MICAL1: variants seen among roughly 807,000 people sequenced by gnomAD.
The protein encoded by MICAL1 is [F-actin]-monooxygenase MICAL1.
In MICAL1, 95 loss-of-function variants were observed where a neutral mutation model predicts 131.8. That is an observed-to-expected ratio of 0.72 (90% CI 0.61 to 0.86). The LOEUF (loss-of-function observed/expected upper bound fraction) is 0.86, where lower values mean the gene tolerates loss of function less well. Among genes scored for constraint, MICAL1 ranks in the 40% least tolerant of loss-of-function variants. The probability of loss-of-function intolerance (pLI) is 0.00; values close to 1 mark genes in which losing one functional copy is unlikely to be tolerated. For synonymous variants in MICAL1, 546 were observed against 554.2 expected, an observed-to-expected ratio of 0.99 and a Z score of 0.21; for missense variants, 1,292 against 1,380.6, an observed-to-expected ratio of 0.94 and a Z score of 1.02.
chr6:109,445,658 GAT>G lies in MICAL1; in HGVS notation c.2673+111_2673+112del, dbSNP rs1402028609. ...TCTGGTAGAAAAGGTAGAGGCCAGA[GAT>G]ATGACAGGCCAAGTGAGAAGACATT... On this transcript the variant is annotated intron_variant, in intron 20 of 24. Coordinates refer to ENST00000358807, the MANE Select transcript of MICAL1 (RefSeq NM_022765.4). 8 of 1,494,536 alleles carry G rather than the reference GAT, an allele frequency of 5.4e-6. No individual in the cohort carries two copies. In the African/African-American group the frequency reaches 1.1e-4, roughly 21 times the overall value. 92.6% of individuals were successfully genotyped at this position (1,494,536 alleles called of 1,614,324 possible).
At chr6:109,450,881 C>G (rs1394030164) in intron 7 of MICAL1, among the ~76,000 whole-genome samples, 1 of 152,188 alleles carries the variant, frequency 6.6e-6, no homozygotes, top group South Asian at 2.1e-4. Flanking sequence ...TATCAGGGTA[C>G]TCATGAGAAT....
chr6:109,461,419 G>A (rs1051058820), intron 1 of MICAL1, among the ~76,000 whole-genome samples: 1 of 152,058 alleles, frequency 6.6e-6, no homozygotes, highest in African/African-American at 2.4e-5. Flanking sequence ...TCTGTAGACC[G>A]TAACTTTCAC....
chr6:109,447,505 C>CAG, intron 15 of MICAL1, 65 bp from the exon 16 acceptor site: 1 of 1,549,000 alleles, frequency 6.5e-7, no homozygotes, highest in Non-Finnish European at 8.8e-7. Flanking sequence ...GGGATGCGTA[C>CAG]AGATGAACAC....
chr6:109,456,401 CAG>C (rs1161147883), upstream of MICAL1, among the ~76,000 whole-genome samples: 1 of 152,234 alleles, frequency 6.6e-6, no homozygotes, highest in East Asian at 1.9e-4. Flanking sequence ...CCTCCTGTGA[CAG>C]AGGTCGACCC....
Position 109,454,141 on chromosome 6 carries a change from T to A in MICAL1, c.56A>T (p.Gln19Leu), listed in dbSNP as rs576067341. 3.4e-4 allele frequency: 542 copies of A among 1,612,832 alleles called. 7 individuals are homozygous for A. In the South Asian group the frequency reaches 5.8e-3, roughly 17 times the overall value. Reference protein sequence around the residue: ...PAHAHFESFLQAQLCQDVLSS... With the variant: ...PAHAHFESFLLAQLCQDVLSS... ...CAGCACGTCCTGGCACAGCTGGGCC[T>A]GCAGGAAGCTCTCAAAGTGGGCATG... The change falls in exon 2 of 25, where the codon CAG becomes CTG. Residue 19 changes from glutamine to leucine, a missense_variant. By Grantham distance (113) the Gln-to-Leu change is moderately radical (BLOSUM62 -2). Coordinates refer to ENST00000358807, the MANE Select transcript of MICAL1 (RefSeq NM_022765.4).
intron 1 of MICAL1, among the ~76,000 whole-genome samples, chr6:109,460,827 AAAAC>A (rs1180857753): frequency 3.9e-5 from 6 of 152,210 alleles, no homozygotes; most frequent in African/African-American, 1.4e-4. Flanking sequence ...TAACAAAAAT[AAAAC>A]AAACCTACCC....
upstream of MICAL1, among the ~76,000 whole-genome samples, chr6:109,458,164 A>G (rs889073970): frequency 8.5e-5 from 13 of 152,236 alleles, no homozygotes; most frequent in African/African-American, 2.7e-4. Context: ...TATTAACCAC[A>G]AGAATTTCTC....
chr6:109,450,154 C>T lies in MICAL1; in HGVS notation c.1192-69G>A, dbSNP rs1775477404. Reference sequence around the variant, plus strand: ...CAGGTGCATCCCAAGCCCAGATATCCACCCAGGTCACAGCAGAAGGGGCCA... The same window carrying T: ...CAGGTGCATCCCAAGCCCAGATATCTACCCAGGTCACAGCAGAAGGGGCCA... On this transcript the variant is annotated intron_variant, in intron 8 of 24. Coordinates refer to ENST00000358807, the MANE Select transcript of MICAL1 (RefSeq NM_022765.4). 5.1e-6 allele frequency: 8 copies of T among 1,573,724 alleles called. No homozygotes were observed. The Admixed American group carries it at 5.2e-5, about 10-fold the overall frequency.
chr6:109,453,285 G>A lies in MICAL1; in HGVS notation c.549C>T (p.Gly183=). Residue 183 remains glycine (G), a synonymous_variant, in exon 4 of 25, where the codon GGC becomes GGT. Transcript: ENST00000358807. The stretch of plus-strand genomic sequence containing the variant: ...TACCCTTCCTAGGAGGGGGCTGGAG[G>A]CCAGTGAAAGTGACACCCCAGTGAA... The part of the protein sequence containing the change: ...VEIHWGVTFT[G]LQPPPRKGSG... The A allele has an allele frequency of 6.2e-7, 1 of 1,613,940 alleles. No homozygotes were observed.
At chr6:109,452,204 G>C in intron 6 of MICAL1, 42 bp downstream of exon 6, 1 of 1,582,312 alleles carries the variant, frequency 6.3e-7, no homozygotes, top group South Asian at 1.1e-5. Flanking sequence ...CCAGGCCACA[G>C]TCAGGCAGGG....
In MICAL1 at chr6:109,453,787, A is replaced by C. The variant is rs201447051; in HGVS notation, c.317T>G (p.Leu106Arg). The change falls in exon 3 of 25, where the codon CTG becomes CGG. Residue 106 changes from leucine to arginine, a missense_variant. Physicochemically the swap from Leu to Arg is moderately radical, Grantham distance 102. Coordinates refer to ENST00000358807, the MANE Select transcript of MICAL1 (RefSeq NM_022765.4). ...TTCCACCAGCACCACTCGGGCCCCC[A>C]GCAGCGCCAGCTCCACAGCGACCCG... ...GLRVAVELAL[L>R]GARVVLVEKR... 6.2e-7 allele frequency: 1 copy of C among 1,613,652 alleles called. No individual in the cohort carries two copies. The highest frequency in any genetic ancestry group is 1.3e-5 in the African/African-American group (1 of 74,948).
At chr6:109,447,502 G>C (rs1472997378) in intron 15 of MICAL1, 62 bp from the exon 16 acceptor site, 2 of 1,554,048 alleles carry the variant, frequency 1.3e-6, no homozygotes, top group Admixed American at 1.7e-5. Context: ...GAGGGGATGC[G>C]TACAGATGAA....
chr6:109,446,492 A>ACTT, intron 18 of MICAL1, 80 bp from the exon 19 acceptor site: 1 of 1,538,420 alleles, frequency 6.5e-7, no homozygotes, highest in Non-Finnish European at 8.9e-7. Context: ...GCATTCATTC[A>ACTT]CTTAAAACCA....
chr6:109,445,006 G>A lies in MICAL1; in HGVS notation c.2882-11C>T. 9 of 1,612,964 alleles carry A rather than the reference G, an allele frequency of 5.6e-6. No homozygotes were observed. Among genetic ancestry groups the A allele is most frequent in the Non-Finnish European group, 7.6e-6 (9 of 1,179,866 alleles). ...GCTGTTCTGGGGAACCTGAGAAGAA[G>A]GAAGATGGGTAGGGTGATCAGGAGG... On this transcript the variant is annotated splice_polypyrimidine_tract_variant and intron_variant, in intron 22 of 24. Transcript: ENST00000358807.
At chr6:109,458,473 T>C (rs1196121773), upstream of MICAL1, among the ~76,000 whole-genome samples, 1 of 152,044 alleles carries the variant, frequency 6.6e-6, no homozygotes, top group Non-Finnish European at 1.5e-5. Flanking sequence ...CACATGCCTG[T>C]AATCCCAGCT....
At position 109,446,774 on chromosome 6, in the gene MICAL1, TG is replaced by T; in HGVS notation, c.2228-3del. ...GGTGCTGGAGGCAGTAGAAATGTCC[TG>T]GAAAGGGTAGAGAGGGGAGGAGGCA... is the stretch of plus-strand genomic sequence containing the variant. On this transcript the variant is annotated splice_region_variant and splice_polypyrimidine_tract_variant and intron_variant, in intron 17 of 24. Transcript: ENST00000358807. 1 of 1,613,094 alleles carries T rather than the reference TG, an allele frequency of 6.2e-7. No individual in the cohort carries two copies. Among genetic ancestry groups the T allele is most frequent in the Non-Finnish European group, 8.5e-7 (1 of 1,179,714 alleles).
intron 1 of MICAL1, chr6:109,463,837 CTTTT>C (rs1159150633): frequency 2.0e-5 from 3 of 152,132 alleles, no homozygotes; most frequent in African/African-American, 7.2e-5. Flanking sequence ...TCACCTGCTT[CTTTT>C]TATGTTTTTA....
Position 109,450,091 on chromosome 6 carries a change from G to A in MICAL1, c.1192-6C>T. Reference sequence around the variant, plus strand: ...GTGCCCAGGGGCCAGAAGGGCTGCAGTGTCAGAGGAATAGGAAGCAGCTCA... The same window carrying A: ...GTGCCCAGGGGCCAGAAGGGCTGCAATGTCAGAGGAATAGGAAGCAGCTCA... On this transcript the variant is annotated splice_region_variant and splice_polypyrimidine_tract_variant and intron_variant, in intron 8 of 24. Transcript: ENST00000358807. 6.2e-7 allele frequency: 1 copy of A among 1,612,256 alleles called. No homozygotes were observed. Among genetic ancestry groups the A allele is most frequent in the Non-Finnish European group, 8.5e-7 (1 of 1,178,938 alleles).
At position 109,450,522 on chromosome 6, in the gene MICAL1, G is replaced by T; in HGVS notation, c.969C>A (p.Ala323=). ...WPDTNRLLGS[A]NVVPEALQRF... The stretch of plus-strand genomic sequence containing the variant: ...GCTGCAGAGCCTCGGGCACCACATT[G>T]GCACTGCCCAGCAGCCGATTGGTGT... The change falls in exon 8 of 25, where the codon GCC becomes GCA. Residue 323 remains alanine (A), a synonymous_variant. Coordinates refer to ENST00000358807, the MANE Select transcript of MICAL1 (RefSeq NM_022765.4). 1 of 1,611,814 alleles carries T rather than the reference G, an allele frequency of 6.2e-7. No homozygotes were observed. The highest frequency in any genetic ancestry group is 8.5e-7 in the Non-Finnish European group (1 of 1,178,960).
Sources: allele counts gnomAD v4.1 joint callset (sites outside exome capture counted in the v4.1 genomes callset), GRCh38; gene constraint gnomAD v4.1.1; transcripts MANE v1.5; gene names NCBI Gene and HGNC (gene_info 2026-07-23, HGNC 2026-07-21).